Variants in SLC24A4 observed in about 807,000 individuals in gnomAD.
SLC24A4 encodes the protein sodium/potassium/calcium exchanger 4.
SLC24A4 carries 53 observed loss-of-function variants against 79.0 expected under a neutral mutation model. The ratio of observed to expected loss-of-function variants is 0.67; its 90% confidence interval spans 0.54 to 0.84. The LOEUF is 0.84. Among genes scored for constraint, SLC24A4 ranks in the 40% least tolerant of loss-of-function variants. The probability of loss-of-function intolerance (pLI) is 0.00; values close to 1 mark genes in which losing one functional copy is unlikely to be tolerated. For synonymous variants in SLC24A4, 323 were observed against 323.8 expected (o/e 1.00, Z 0.03); for missense variants, 731 against 822.0 (o/e 0.89, Z 1.35).
At chr14:92,358,296 T>C (rs920036050) in intron 2 of SLC24A4, among the ~76,000 whole-genome samples, 1 of 152,184 alleles carries the variant, frequency 6.6e-6, no homozygotes, top group African/African-American at 2.4e-5. Context: ...TGACCCATTT[T>C]GAAAAATGTT....
chr14:92,346,724 A>G (rs1015219996), intron 2 of SLC24A4, among the ~76,000 whole-genome samples: 2 of 152,178 alleles, frequency 1.3e-5, no homozygotes, highest in African/African-American at 4.8e-5. Flanking sequence ...CATTAGGGTG[A>G]CCTGGGCAAC....
At position 92,456,422 on chromosome 14, in the gene SLC24A4, T is replaced by C; in HGVS notation, c.1069T>C (p.Ser357Pro). The change falls in exon 12 of 17, where the codon TCG (serine) becomes CCG (proline). Residue 357 changes from serine to proline, a missense_variant. Physicochemically the swap from Ser to Pro is moderately conservative, Grantham distance 74. Transcript: ENST00000532405. ...CACACAGCGGCAGAGACTGATCAAC[T>C]CGGCCAATGGTGTGAGCAGTAAGCC... is the stretch of plus-strand genomic sequence containing the variant. ...IINERQRLIN[S>P]ANGVSSKPLQ... 1 of 1,614,172 alleles carries C rather than the reference T, an allele frequency of 6.2e-7. No homozygotes were observed. The highest frequency in any genetic ancestry group is 1.1e-5 in the South Asian group (1 of 91,082).
chr14:92,472,918 C>G (rs756414334), intron 12 of SLC24A4, among the ~76,000 whole-genome samples: 3 of 152,144 alleles, frequency 2.0e-5, no homozygotes. Context: ...GTAGAAGTTA[C>G]TCAGTTCTAA....
Position 92,442,804 on chromosome 14 carries a change from GT to G in SLC24A4, c.573del (p.Phe191LeufsTer8). ...TGTGCATAATTGGAGTGTGCGGACT[GT>G]TTGCTGGCCAGGTCAGTGGTTTCTC... ...ILCIIGVCGLFAGQVVRLTWW... is the reference protein window; with the variant it reads ...ILCIIGVCGLXAGQVVRLTWW... On this transcript the variant is annotated frameshift_variant, in exon 6 of 17. Coordinates refer to ENST00000532405, the MANE Select transcript of SLC24A4 (RefSeq NM_153646.4). LOFTEE classifies it high-confidence loss of function. 1 of 1,614,010 alleles carries G rather than the reference GT, an allele frequency of 6.2e-7. No individual in the cohort carries two copies. The highest frequency in any genetic ancestry group is 8.5e-7 in the Non-Finnish European group (1 of 1,179,874).
chr14:92,444,922 TACACACACATACAC>T (rs1193023274), intron 7 of SLC24A4, among the ~76,000 whole-genome samples: 27 of 77,114 alleles, frequency 3.5e-4, no homozygotes, highest in Middle Eastern at 6.4e-3. Flanking sequence ...ACACCCTATA[TACACACACATACAC>T]ACACACACAC....
In SLC24A4 at chr14:92,479,335, C is replaced by A. The variant is rs374691423; in HGVS notation, c.1256-3345C>A. Among the ~76,000 whole-genome samples, 5 of 152,162 alleles carry A rather than the reference C, an allele frequency of 3.3e-5. No individual in the cohort carries two copies. In the East Asian group the frequency reaches 5.8e-4, roughly 18 times the overall value. On this transcript the variant is annotated intron_variant, in intron 12 of 16. Transcript: ENST00000532405. ...CTTAATCGTTAAGTATAAGTGCTAG[C>A]TGTGGGTTTTCCATAGATGCCCTTT...
chr14:92,474,857 A>T (rs1566795712), intron 12 of SLC24A4, among the ~76,000 whole-genome samples: 2 of 33,738 alleles, frequency 5.9e-5, no homozygotes, highest in African/African-American at 2.3e-4. Flanking sequence ...ATATATATAT[A>T]TATATATTTT....
intron 2 of SLC24A4, among the ~76,000 whole-genome samples, chr14:92,360,554 C>T (rs1017455006): frequency 1.3e-5 from 2 of 152,180 alleles, no homozygotes; most frequent in Admixed American, 1.3e-4. Context: ...GGGGCTGATA[C>T]CAATAATGCT....
At chr14:92,478,332 A>G (rs1171501304) in intron 12 of SLC24A4, among the ~76,000 whole-genome samples, 1 of 152,180 alleles carries the variant, frequency 6.6e-6, no homozygotes, top group Non-Finnish European at 1.5e-5. Context: ...TATAAGACAG[A>G]GCACCAGTTT....
intron 2 of SLC24A4, among the ~76,000 whole-genome samples, chr14:92,363,506 T>C (rs1056628639): frequency 8.5e-5 from 13 of 152,228 alleles, no homozygotes. Flanking sequence ...AAGCGTTGCA[T>C]GTAGCCTCCA....
At chr14:92,368,966 G>T (rs1259454554) in intron 2 of SLC24A4, among the ~76,000 whole-genome samples, 1 of 152,170 alleles carries the variant, frequency 6.6e-6, no homozygotes, top group African/African-American at 2.4e-5. Context: ...AGCCAGTACT[G>T]GACCCATATA....
At chr14:92,381,326 C>G (rs1027320099) in intron 2 of SLC24A4, among the ~76,000 whole-genome samples, 1 of 145,472 alleles carries the variant, frequency 6.9e-6, no homozygotes, top group African/African-American at 2.5e-5. Context: ...CAAACTAACA[C>G]GGAAACAGAA....
At chr14:92,459,200 C>T (rs1284491537) in intron 12 of SLC24A4, among the ~76,000 whole-genome samples, 2 of 152,208 alleles carry the variant, frequency 1.3e-5, no homozygotes, top group Non-Finnish European at 2.9e-5. Flanking sequence ...CCTCATCTTC[C>T]CATTCCTTAA....
chr14:92,448,858 T>G (rs1355371199), intron 9 of SLC24A4, among the ~76,000 whole-genome samples: 1 of 152,136 alleles, frequency 6.6e-6, no homozygotes, highest in Non-Finnish European at 1.5e-5. Context: ...CACCACCAGC[T>G]CAATAGGAGC....
At position 92,445,314 on chromosome 14, in the gene SLC24A4, C is replaced by T; in HGVS notation, c.658-3C>T. 6.2e-7 allele frequency: 1 copy of T among 1,614,086 alleles called. No homozygotes were observed. On this transcript the variant is annotated splice_region_variant and splice_polypyrimidine_tract_variant and intron_variant, in intron 7 of 16. Transcript: ENST00000532405. ...CCTCAACTCTGTTTCTTTTGCCTTACAGTTCATATATGATGAACAAATTGT... is the reference window on the plus strand; with the variant it reads ...CCTCAACTCTGTTTCTTTTGCCTTATAGTTCATATATGATGAACAAATTGT...
Position 92,500,358 on chromosome 14 carries a change from C to G in SLC24A4, c.*6730C>G, listed in dbSNP as rs1896114634. The G allele has an allele frequency of 1.3e-5, 2 of 152,216 alleles. No homozygotes were observed. The highest frequency in any genetic ancestry group is 2.9e-5 in the Non-Finnish European group (2 of 68,036). 9.4% of individuals were successfully genotyped at this position (152,216 alleles called of 1,614,324 possible). On this transcript the variant is annotated 3_prime_UTR_variant, in exon 17 of 17. Coordinates refer to ENST00000532405, the MANE Select transcript of SLC24A4 (RefSeq NM_153646.4). ...AAGGGAATGTCCCAAACAACAGAGC[C>G]TTCTTTGCTGTCACTCCAGAATTCT...
At chr14:92,324,568 A>T (rs1885014422) in intron 1 of SLC24A4, among the ~76,000 whole-genome samples, 1 of 152,142 alleles carries the variant, frequency 6.6e-6, no homozygotes, top group Non-Finnish European at 1.5e-5. Flanking sequence ...AAGAAGAGGG[A>T]TTTGGGAGTA....
intron 12 of SLC24A4, among the ~76,000 whole-genome samples, chr14:92,474,978 G>A (rs775412786): frequency 4.0e-5 from 6 of 150,290 alleles, no homozygotes; most frequent in African/African-American, 1.2e-4. Flanking sequence ...GATTACAGGC[G>A]TGAGCCACCG....
intron 2 of SLC24A4, among the ~76,000 whole-genome samples, chr14:92,394,311 AC>A (rs1432323624): frequency 6.6e-6 from 1 of 152,122 alleles, no homozygotes; most frequent in African/African-American, 2.4e-5. Flanking sequence ...CAGAAGAAAT[AC>A]AGGCCAGGCA....
Sources: gnomAD v4.1 joint callset for allele counts (sites outside exome capture counted in the v4.1 genomes callset) on GRCh38, gnomAD v4.1.1 for gene constraint, MANE v1.5 for transcripts, NCBI Gene and HGNC (gene_info 2026-07-23, HGNC 2026-07-21) for gene names.